The following BBS12 variants were observed in gnomAD, a reference collection of about 807,000 sequenced individuals.
BBS12 encodes chaperonin-containing T-complex member BBS12.
In BBS12, 5 loss-of-function variants were observed where a neutral mutation model predicts 5.6. The ratio of observed to expected loss-of-function variants is 0.89; its 90% CI spans 0.46 to 1.86. BBS12 has a LOEUF of 1.86. Ranked by LOEUF, BBS12 falls within the 40% of genes most tolerant of loss-of-function variation. The pLI is 0.01. For synonymous variants in BBS12, 308 were observed against 306.8 expected, an observed-to-expected ratio of 1.00 and a Z score of -0.04; for missense variants, 748 against 830.4, an observed-to-expected ratio of 0.90 and a Z score of 1.22.
the BBS12 span, among the ~76,000 whole-genome samples, chr4:122,719,790 T>G: frequency 1.3e-5 from 2 of 152,176 alleles, no homozygotes; most frequent in Non-Finnish European, 2.9e-5. Context: ...CAAGCCCAGG[T>G]TAGATGAAGG....
chr4:122,724,367 T>C, the BBS12 span, among the ~76,000 whole-genome samples: 438 of 152,302 alleles, frequency 2.9e-3, 2 homozygotes, highest in African/African-American at 9.8e-3. Context: ...GTCCATATAT[T>C]GATGAATTTG....
the BBS12 span, among the ~76,000 whole-genome samples, chr4:122,702,686 G>A: frequency 7.9e-5 from 12 of 152,164 alleles, no homozygotes; most frequent in Admixed American, 7.9e-4. Context: ...CCCTTTATTC[G>A]CAAAGGATGT....
intron 1 of BBS12, chr4:122,733,920 A>G (rs1800745637): frequency 7.0e-6 from 1 of 143,290 alleles, no homozygotes; most frequent in Non-Finnish European, 1.5e-5. Context: ...GAGGAAAACA[A>G]GTGCAAAGTG....
the BBS12 span, among the ~76,000 whole-genome samples, chr4:122,703,361 G>T: frequency 1.3e-5 from 2 of 152,116 alleles, no homozygotes; most frequent in African/African-American, 4.8e-5. Context: ...GAGGTATATC[G>T]CCAGCACTTC....
upstream of BBS12, chr4:122,731,948 C>T (rs897162349): frequency 2.6e-5 from 4 of 152,194 alleles, no homozygotes; most frequent in African/African-American, 4.8e-5. Flanking sequence ...ACTGAAGAGA[C>T]TTTATATTAA....
the BBS12 span, among the ~76,000 whole-genome samples, chr4:122,706,992 TACTA>T: frequency 2.0e-5 from 3 of 151,980 alleles, no homozygotes; most frequent in African/African-American, 4.8e-5. Context: ...ACATCAATTT[TACTA>T]ACTTTTTTCC....
upstream of BBS12, among the ~76,000 whole-genome samples, chr4:122,728,181 C>T (rs1800648882): frequency 2.0e-5 from 3 of 152,018 alleles, no homozygotes; most frequent in Admixed American, 2.0e-4. Flanking sequence ...ATTAATTGTA[C>T]AGGTATTCCC....
Position 122,743,024 on chromosome 4 carries a change from A to C in BBS12, c.1132A>C (p.Ile378Leu). ...CCTGGGATTTAATAAGTCTGCAAAT[A>C]TTAAAACAGTATTAGATAGCATGCG... Reference protein sequence around the residue: ...RHLGFNKSANIKTVLDSMRLQ... With the variant: ...RHLGFNKSANLKTVLDSMRLQ... Residue 378 changes from isoleucine (I) to leucine (L), a missense_variant, in exon 2 of 2, where the codon ATT (isoleucine) becomes CTT (leucine). Ile to Leu is a conservative substitution (Grantham distance 5, BLOSUM62 2). Coordinates refer to ENST00000314218, the MANE Select transcript of BBS12 (RefSeq NM_152618.3). 6.2e-7 allele frequency: 1 copy of C among 1,614,282 alleles called. No homozygotes were observed. Among genetic ancestry groups the C allele is most frequent in the Non-Finnish European group, 8.5e-7 (1 of 1,180,060 alleles).
the BBS12 span, among the ~76,000 whole-genome samples, chr4:122,711,085 A>G: frequency 1.1e-4 from 16 of 152,246 alleles, no homozygotes; most frequent in East Asian, 5.8e-4. Flanking sequence ...TAAACTGTCT[A>G]CATGATTGAA....
rs1247143553 is a variant in BBS12, at chr4:122,744,023, T to G, written c.2131T>G (p.Ter711GluextTer17). 6.2e-7 allele frequency: 1 copy of G among 1,611,938 alleles called. No homozygotes were observed. Among genetic ancestry groups the G allele is most frequent in the Non-Finnish European group, 8.5e-7 (1 of 1,177,966 alleles). The change falls in exon 2 of 2, where the codon TAG (stop) becomes GAG (glutamate). Residue 711 changes from the stop codon to glutamate, a stop_lost. Coordinates refer to ENST00000314218, the MANE Select transcript of BBS12 (RefSeq NM_152618.3). ...GGAATTAACGGGCTTTCTATTTTTG[T>G]AGTGTTACTGGCTAAGTCTTTGGAA... ...SQELTGFLFL[*>E]
chr4:122,716,685 ATATGTGTATG>A, the BBS12 span, among the ~76,000 whole-genome samples: 1 of 81,660 alleles, frequency 1.2e-5, no homozygotes, highest in African/African-American at 6.9e-5. Flanking sequence ...ATATATACAC[ATATGTGTATG>A]TGTGTGTATA....
the BBS12 span, among the ~76,000 whole-genome samples, chr4:122,713,962 AGTT>A: frequency 2.6e-5 from 4 of 152,216 alleles, no homozygotes; most frequent in Non-Finnish European, 4.4e-5. Context: ...TACCTAGAAA[AGTT>A]GAAGATGCAC....
At chr4:122,733,945 T>C (rs1800746166) in intron 1 of BBS12, 1 of 145,992 alleles carries the variant, frequency 6.8e-6, no homozygotes. Flanking sequence ...CTTGAAGCAC[T>C]CTGTCAAATC....
the BBS12 span, among the ~76,000 whole-genome samples, chr4:122,714,072 C>T: frequency 1.4e-4 from 21 of 152,084 alleles, no homozygotes; most frequent in African/African-American, 3.9e-4. Flanking sequence ...CTTCAATATA[C>T]GTTGACACAG....
At chr4:122,727,567 T>TTTTTTTTTTTTTTTTTTTTTGTTTG in the BBS12 span, among the ~76,000 whole-genome samples, 1 of 102,566 alleles carries the variant, frequency 9.7e-6, no homozygotes, top group Admixed American at 1.0e-4. Context: ...TTTTTTTTTT[T>TTTTTTTTTTTTTTTTTTTTTGTTTG]GAGATGGAGT....
rs772942987 is a variant in BBS12 at position 122,742,135 on chromosome 4, T to C, written c.243T>C (p.Tyr81=). ...NEAVQAQNNT[Y]RTGISTLLFL... ...CAGTTCAAGCACAAAACAACACATA[T>C]AGAACTGGAATCAGTACTCTTTTGT... The change falls in exon 2 of 2, where the codon TAT becomes TAC. Residue 81 remains tyrosine (Y), a synonymous_variant. Transcript: ENST00000314218. 4.6e-5 allele frequency: 74 copies of C among 1,613,964 alleles called. No homozygotes were observed. The South Asian group carries it at 4.8e-4, about 11-fold the overall frequency.
chr4:122,713,220 C>T, the BBS12 span, among the ~76,000 whole-genome samples: 5 of 151,910 alleles, frequency 3.3e-5, no homozygotes, highest in Admixed American at 2.0e-4. Context: ...GTTATTATTG[C>T]CTATTTTATG....
In BBS12 at chr4:122,743,466, G is replaced by GT. The variant is rs1800926856; in HGVS notation, c.1577dup (p.Leu526PhefsTer18). On this transcript the variant is annotated frameshift_variant, in exon 2 of 2. Coordinates refer to ENST00000314218, the MANE Select transcript of BBS12 (RefSeq NM_152618.3). LOFTEE classifies it low-confidence loss of function (END_TRUNC). ...GATAGGTTCTGGACATGTGCCTATC[G>GT]TTTGTATTATGCTCTAAAAGAGGAA... 4 of 1,614,212 alleles carry GT rather than the reference G, an allele frequency of 2.5e-6. No individual in the cohort carries two copies. Among genetic ancestry groups the GT allele is most frequent in the Non-Finnish European group, 2.5e-6 (3 of 1,180,044 alleles).
the BBS12 span, among the ~76,000 whole-genome samples, chr4:122,716,694 T>G: frequency 9.0e-6 from 1 of 111,326 alleles, no homozygotes; most frequent in African/African-American, 4.9e-5. Context: ...CATATGTGTA[T>G]GTGTGTGTAT....
Sources: allele counts gnomAD v4.1 joint callset (sites outside exome capture counted in the v4.1 genomes callset), GRCh38; gene constraint gnomAD v4.1.1; transcripts MANE v1.5; gene names NCBI Gene and HGNC (gene_info 2026-07-23, HGNC 2026-07-21).